The following ZNF407 variants were observed in gnomAD, a reference collection of about 807,000 sequenced individuals.
ZNF407 encodes the protein zinc finger protein 407.
Under a neutral mutation model 131.2 loss-of-function variants are expected in ZNF407, and 17 were observed. The ratio of observed to expected loss-of-function variants is 0.13; its 90% CI spans 0.09 to 0.19. The LOEUF is 0.19. Among genes scored for constraint, ZNF407 ranks in the 10% least tolerant of loss-of-function variants. The pLI, the probability that ZNF407 is intolerant of heterozygous loss-of-function variation, is 1.00. For synonymous variants in ZNF407, 1,156 were observed against 1,062.0 expected (o/e 1.09, Z -1.72); for missense variants, 2,681 against 2,830.6 (o/e 0.95, Z 1.20).
At chr18:74,764,277 A>G (rs905611999) in intron 3 of ZNF407, among the ~76,000 whole-genome samples, 18 of 152,212 alleles carry the variant, frequency 1.2e-4, no homozygotes, top group African/African-American at 4.1e-4. Context: ...TTAAAAACCT[A>G]TGTTCTGTTT....
intron 8 of ZNF407, among the ~76,000 whole-genome samples, chr18:74,981,211 G>A (rs1429697365): frequency 2.0e-5 from 3 of 152,244 alleles, no homozygotes; most frequent in African/African-American, 7.2e-5. Context: ...GCCACCTAGT[G>A]CAGAGGCACC....
intron 6 of ZNF407, among the ~76,000 whole-genome samples, chr18:74,883,652 A>T (rs1262541050): frequency 1.3e-5 from 2 of 152,142 alleles, no homozygotes; most frequent in East Asian, 3.9e-4. Context: ...CTTAATAACC[A>T]CCAGCCCGCC....
At chr18:74,902,097 A>G (rs1429526829) in intron 7 of ZNF407, among the ~76,000 whole-genome samples, 1 of 152,220 alleles carries the variant, frequency 6.6e-6, no homozygotes, top group East Asian at 1.9e-4. Context: ...GAGTAATTGT[A>G]TATTATACTG....
chr18:74,778,822 G>C (rs1028048606), intron 3 of ZNF407, among the ~76,000 whole-genome samples: 1 of 151,996 alleles, frequency 6.6e-6, no homozygotes, highest in South Asian at 2.1e-4. Context: ...ATCAGTAAAC[G>C]TGATGAGACA....
chr18:74,681,042 AC>A (rs1568164136), intron 3 of ZNF407, among the ~76,000 whole-genome samples: 1 of 152,200 alleles, frequency 6.6e-6, no homozygotes, highest in Non-Finnish European at 1.5e-5. Context: ...ACAGAAGTTC[AC>A]CATGAACCAA....
chr18:74,673,168 C>T (rs973674724), intron 3 of ZNF407, among the ~76,000 whole-genome samples: 7 of 152,212 alleles, frequency 4.6e-5, no homozygotes, highest in Admixed American at 2.0e-4. Context: ...TGGCATAAGG[C>T]AGTGTATCAG....
intron 2 of ZNF407, among the ~76,000 whole-genome samples, chr18:74,639,383 C>T (rs1376055392): frequency 2.6e-5 from 4 of 152,184 alleles, no homozygotes; most frequent in Admixed American, 1.3e-4. Context: ...ACCCTATTAT[C>T]TTTGGAGCAT....
intron 1 of ZNF407, among the ~76,000 whole-genome samples, chr18:74,614,601 C>T (rs1460145645): frequency 1.3e-5 from 2 of 152,098 alleles, no homozygotes; most frequent in Non-Finnish European, 2.9e-5. Context: ...AAAACTGGCT[C>T]ATCAGAATCA....
At chr18:74,893,180 A>G (rs568549501) in intron 7 of ZNF407, among the ~76,000 whole-genome samples, 1 of 152,324 alleles carries the variant, frequency 6.6e-6, no homozygotes, top group Non-Finnish European at 1.5e-5. Flanking sequence ...TCTGTCAGGT[A>G]CTACATTTAA....
intron 3 of ZNF407, among the ~76,000 whole-genome samples, chr18:74,701,439 A>C (rs1446727728): frequency 6.6e-6 from 1 of 152,144 alleles, no homozygotes; most frequent in African/African-American, 2.4e-5. Flanking sequence ...ACTACCTATA[A>C]GTTTAGCTCT....
Position 74,887,409 on chromosome 18 carries a change from A to C in ZNF407, c.5129-2509A>C, listed in dbSNP as rs1971324837. On this transcript the variant is annotated intron_variant, in intron 6 of 8. Coordinates refer to ENST00000299687, the MANE Select transcript of ZNF407 (RefSeq NM_017757.3). ...AAAGACAAAAGGCTAAAAGAGACAA[A>C]AATCCCTTTCAATTCAGATTTTTAC... Among the ~76,000 whole-genome samples, 3 of 152,168 alleles carry C rather than the reference A, an allele frequency of 2.0e-5. No homozygotes were observed. The South Asian group carries it at 6.2e-4, about 31-fold the overall frequency.
intron 7 of ZNF407, among the ~76,000 whole-genome samples, chr18:74,912,771 A>C (rs1971692307): frequency 6.6e-6 from 1 of 152,202 alleles, no homozygotes; most frequent in East Asian, 1.9e-4. Context: ...ACCATAAGCA[A>C]AGTCAAAAGA....
At chr18:74,828,059 G>C (rs910979034) in intron 4 of ZNF407, among the ~76,000 whole-genome samples, 2 of 152,190 alleles carry the variant, frequency 1.3e-5, no homozygotes, top group Admixed American at 6.5e-5. Context: ...GGCCTCCGCT[G>C]CTTCCGCACT....
At chr18:74,755,839 CCCTCCCTTCCTCCCTT>C (rs1304975300) in intron 3 of ZNF407, among the ~76,000 whole-genome samples, 3 of 121,130 alleles carry the variant, frequency 2.5e-5, no homozygotes, top group East Asian at 2.6e-4. Context: ...TCCCTTCCCT[CCCTCCCTTCCTCCCTT>C]CCTCCCTTCC....
chr18:74,755,638 G>C (rs1280244950), intron 3 of ZNF407, among the ~76,000 whole-genome samples: 2 of 132,544 alleles, frequency 1.5e-5, no homozygotes, highest in Admixed American at 1.6e-4. Flanking sequence ...GCCCAGGCTG[G>C]AGTGCAGTGG....
In ZNF407 at chr18:74,633,602, T is replaced by C. The variant is rs1333410811; in HGVS notation, c.2583T>C (p.Ser861=). 3.7e-6 allele frequency: 6 copies of C among 1,614,042 alleles called. No homozygotes were observed. Among genetic ancestry groups the C allele is most frequent in the Non-Finnish European group, 5.1e-6 (6 of 1,179,892 alleles). Residue 861 remains serine (S), a synonymous_variant, in exon 2 of 9, where the codon AGT becomes AGC. Coordinates refer to ENST00000299687, the MANE Select transcript of ZNF407 (RefSeq NM_017757.3). ...CACACTGTGGCCTTTTGGCCTCTAG[T>C]ATTACAAACTTGACTGTTCACATTA... The part of the protein sequence containing the change: ...TCSHCGLLAS[S]ITNLTVHIRR...
chr18:74,812,256 A>C (rs1334598250), intron 4 of ZNF407, among the ~76,000 whole-genome samples: 1 of 152,152 alleles, frequency 6.6e-6, no homozygotes, highest in Non-Finnish European at 1.5e-5. Context: ...GAAAGGAAAT[A>C]ATATTTATTT....
chr18:74,647,003 A>C (rs1484069873), intron 3 of ZNF407, among the ~76,000 whole-genome samples: 1 of 152,208 alleles, frequency 6.6e-6, no homozygotes, highest in East Asian at 1.9e-4. Context: ...AATAAACTAA[A>C]TATTATCATT....
chr18:74,807,342 C>T (rs2145082128), intron 4 of ZNF407, among the ~76,000 whole-genome samples: 1 of 152,240 alleles, frequency 6.6e-6, no homozygotes, highest in Non-Finnish European at 1.5e-5. Flanking sequence ...AACACACATA[C>T]AGGCCAGCTT....
Sources: gnomAD v4.1 joint callset for allele counts (sites outside exome capture counted in the v4.1 genomes callset) on GRCh38, gnomAD v4.1.1 for gene constraint, MANE v1.5 for transcripts, NCBI Gene and HGNC (gene_info 2026-07-23, HGNC 2026-07-21) for gene names.